WDR11: variants seen among roughly 807,000 people sequenced by gnomAD.
The protein encoded by WDR11 is WD repeat domain 11.
WDR11 carries 83 observed loss-of-function variants against 151.2 expected under a neutral mutation model. That is an observed-to-expected ratio of 0.55 (90% confidence interval 0.46 to 0.66). The LOEUF (loss-of-function observed/expected upper bound fraction) is 0.66, where lower values mean the gene tolerates loss of function less well. WDR11 is among the 30% of genes least tolerant of loss of function. The probability of loss-of-function intolerance (pLI) is 0.00; values close to 1 mark genes in which losing one functional copy is unlikely to be tolerated. For missense variants in WDR11, 1,301 were observed against 1,480.9 expected (o/e 0.88, Z 1.99); for synonymous variants, 484 against 533.1 (o/e 0.91, Z 1.27).
chr10:120,902,853 G>A (rs929253041), intron 22 of WDR11, among the ~76,000 whole-genome samples: 20 of 152,122 alleles, frequency 1.3e-4, no homozygotes, highest in African/African-American at 4.4e-4. Context: ...AAGGGGTCCT[G>A]TGCAGTCAGG....
At chr10:120,889,419 T>G (rs1847341897) in intron 17 of WDR11, 7 of 461,758 alleles carry the variant, frequency 1.5e-5, no homozygotes, top group South Asian at 1.5e-4. Context: ...TTTGTATTTT[T>G]TTAGTAGAGA....
At chr10:120,876,436 A>G (rs1296491813) in intron 11 of WDR11, among the ~76,000 whole-genome samples, 1 of 152,140 alleles carries the variant, frequency 6.6e-6, no homozygotes, top group Non-Finnish European at 1.5e-5. Flanking sequence ...CCCCAGATAC[A>G]TTTACGTGGA....
intron 3 of WDR11, among the ~76,000 whole-genome samples, 185 bp from the exon 4 acceptor site, chr10:120,859,924 A>G (rs1364792659): frequency 1.3e-5 from 2 of 149,880 alleles, no homozygotes; most frequent in African/African-American, 5.0e-5. Context: ...TTATTTTTAT[A>G]TAGAATTAGT....
chr10:120,904,140 C>T lies in WDR11; in HGVS notation c.3025C>T (p.Gln1009Ter). Residue 1009 changes from glutamine (Q) to a stop codon, truncating the protein, a stop_gained and splice_region_variant, in exon 24 of 29, where the codon CAA becomes TAA. Coordinates refer to ENST00000263461, the MANE Select transcript of WDR11 (RefSeq NM_018117.12). LOFTEE classifies it high-confidence loss of function. Reference sequence around the variant, plus strand: ...TACAGACCAGCTACTGCTCTTGGGTCAAGTATGTCAGTTTTTATAACTCTA... The same window carrying T: ...TACAGACCAGCTACTGCTCTTGGGTTAAGTATGTCAGTTTTTATAACTCTA... ...KCTDQLLLLG[Q>*]TDRAVQLLLE... 1 of 1,608,802 alleles carries T rather than the reference C, an allele frequency of 6.2e-7. No individual in the cohort carries two copies.
intron 2 of WDR11, among the ~76,000 whole-genome samples, chr10:120,854,339 G>A (rs998994402): frequency 3.9e-5 from 6 of 152,146 alleles, no homozygotes; most frequent in South Asian, 2.1e-4. Context: ...GTTCATCTGC[G>A]TTGTAGCATA....
chr10:120,852,503 T>G (rs1407541771), intron 1 of WDR11, 21 bp from the exon 2 acceptor site: 4 of 1,608,798 alleles, frequency 2.5e-6, no homozygotes, highest in Admixed American at 3.3e-5. Flanking sequence ...TACTTAAACT[T>G]TAACATTACT....
intron 19 of WDR11, among the ~76,000 whole-genome samples, chr10:120,894,092 T>C (rs1847520132): frequency 1.3e-5 from 2 of 151,818 alleles, no homozygotes; most frequent in East Asian, 3.9e-4. Context: ...TCCTTGCCCA[T>C]GCCTATGTCC....
intron 27 of WDR11, chr10:120,906,246 T>A (rs2420894): frequency 1.4e-6 from 2 of 1,416,998 alleles, no homozygotes; most frequent in African/African-American, 1.4e-5. Flanking sequence ...CTGATCAGAC[T>A]TAACAGGCAC....
intron 24 of WDR11, 73 bp from the exon 25 acceptor site, chr10:120,904,562 CTTTAGTTTTCT>C: frequency 6.5e-7 from 1 of 1,539,032 alleles, no homozygotes; most frequent in East Asian, 2.3e-5. Flanking sequence ...GAGTGTTTTC[CTTTAGTTTTCT>C]ACCTTATGAA....
intron 5 of WDR11, among the ~76,000 whole-genome samples, chr10:120,864,473 T>C (rs1207252224): frequency 1.3e-5 from 2 of 152,210 alleles, no homozygotes; most frequent in African/African-American, 2.4e-5. Context: ...AAAATCCTTA[T>C]AGTTTCACCT....
chr10:120,870,619 T>C (rs1246362848), intron 9 of WDR11, among the ~76,000 whole-genome samples: 1 of 152,200 alleles, frequency 6.6e-6, no homozygotes, highest in Admixed American at 6.5e-5. Context: ...TATATATTTG[T>C]ATTTGTTTTA....
intron 28 of WDR11, chr10:120,907,831 C>G (rs950915075): frequency 7.0e-6 from 1 of 143,164 alleles, no homozygotes; most frequent in Non-Finnish European, 1.5e-5. Flanking sequence ...TTGGTAGTAA[C>G]CCGGGTCTCA....
At chr10:120,901,239 T>G (rs575762139) in intron 21 of WDR11, 141 bp downstream of exon 21, 173 of 756,646 alleles carry the variant, frequency 2.3e-4, no homozygotes, top group Non-Finnish European at 3.6e-4. Flanking sequence ...GTTTAGAGGT[T>G]TGCTTCCCGT....
intron 26 of WDR11, 106 bp downstream of exon 26, chr10:120,905,522 G>A: frequency 1.7e-6 from 2 of 1,174,000 alleles, no homozygotes; most frequent in Non-Finnish European, 2.5e-6. Context: ...CTGCAAAGCT[G>A]CTTTGCAAAT....
rs1182136833 is a variant in WDR11 at position 120,865,074 on chromosome 10, C to T, written c.741C>T (p.Cys247=). 6.2e-7 allele frequency: 1 copy of T among 1,613,746 alleles called. No homozygotes were observed. The highest frequency in any genetic ancestry group is 8.5e-7 in the Non-Finnish European group (1 of 1,179,856). ...PSAEFITLND[C]LQLAYLPSKR... is the part of the protein sequence containing the mutation. ...CTGAATTCATAACTCTCAATGATTG[C>T]CTTCAGTTGGCATACCTGCCTTCAA... Residue 247 remains cysteine (C), a synonymous_variant, in exon 6 of 29, where the codon TGC becomes TGT. Coordinates refer to ENST00000263461, the MANE Select transcript of WDR11 (RefSeq NM_018117.12).
Position 120,909,004 on chromosome 10 carries a change from T to C in WDR11, c.*291T>C. 1 of 379,770 alleles carries C rather than the reference T, an allele frequency of 2.6e-6. No homozygotes were observed. The highest frequency in any genetic ancestry group is 3.3e-5 in the South Asian group (1 of 30,742). The allele number at this position is 379,770 out of a possible 1,614,324, so 23.5% of individuals were successfully genotyped here. Reference sequence around the variant, plus strand: ...AGTCCCTGGAAATACTTTTTAATTTTTTTAACTTAAAATTCAAGAGACTGA... The same window carrying C: ...AGTCCCTGGAAATACTTTTTAATTTCTTTAACTTAAAATTCAAGAGACTGA... On this transcript the variant is annotated 3_prime_UTR_variant, in exon 29 of 29. Transcript: ENST00000263461.
chr10:120,874,188 TTTTTGTTGTTGTTG>T, intron 11 of WDR11, among the ~76,000 whole-genome samples: 1 of 90,868 alleles, frequency 1.1e-5, no homozygotes, highest in Admixed American at 1.4e-4. Context: ...TTTTTTTTTT[TTTTTGTTGTTGTTG>T]TTGTTGTTTG....
intron 3 of WDR11, among the ~76,000 whole-genome samples, chr10:120,859,015 T>C (rs886496108): frequency 6.6e-6 from 1 of 152,186 alleles, no homozygotes; most frequent in Admixed American, 6.5e-5. Flanking sequence ...TGTGCTTTGG[T>C]AAAACTCATT....
intron 19 of WDR11, among the ~76,000 whole-genome samples, chr10:120,897,779 G>A (rs770476399): frequency 8.5e-5 from 13 of 152,072 alleles, no homozygotes; most frequent in Non-Finnish European, 1.6e-4. Context: ...GACTGGACCC[G>A]ATTTTTAAAA....
Sources: gnomAD v4.1 joint callset for allele counts (sites outside exome capture counted in the v4.1 genomes callset) on GRCh38, gnomAD v4.1.1 for gene constraint, MANE v1.5 for transcripts, NCBI Gene and HGNC (gene_info 2026-07-23, HGNC 2026-07-21) for gene names.